LIMCH1: variants seen among roughly 807,000 people sequenced by gnomAD.
LIMCH1 encodes LIM and calponin homology domains-containing protein 1.
In LIMCH1, 113 loss-of-function variants were observed where a neutral mutation model predicts 176.5. The ratio of observed to expected loss-of-function variants is 0.64; its 90% CI spans 0.55 to 0.75. LIMCH1 has a LOEUF of 0.75. Ranked by LOEUF, LIMCH1 falls within the 30% of genes least tolerant of loss-of-function variation. The pLI is 0.00. For synonymous variants in LIMCH1, 619 were observed against 645.9 expected, an observed-to-expected ratio of 0.96 and a Z score of 0.63; for missense variants, 1,674 against 1,814.9, an observed-to-expected ratio of 0.92 and a Z score of 1.41.
upstream of LIMCH1, among the ~76,000 whole-genome samples, chr4:41,533,202 T>A (rs543710599): frequency 6.6e-6 from 1 of 152,230 alleles, no homozygotes; most frequent in Non-Finnish European, 1.5e-5. Context: ...AGACAACAAG[T>A]GAGATGGAAG....
At chr4:41,630,298 A>G (rs1166482023) in intron 9 of LIMCH1, among the ~76,000 whole-genome samples, 1 of 152,070 alleles carries the variant, frequency 6.6e-6, no homozygotes, top group East Asian at 1.9e-4. Flanking sequence ...TGGCTTGAAA[A>G]AGTGCGTCTC....
At position 41,629,473 on chromosome 4, in the gene LIMCH1, G is replaced by A; in HGVS notation, c.1029-19G>A. ...ACTTGATTTTTCCATTGGTGTGGGG[G>A]CCCGGATCAAATGGACAGAAACCAG... On this transcript the variant is annotated intron_variant, in intron 8 of 31. Transcript: ENST00000503057. 4 of 1,535,306 alleles carry A rather than the reference G, an allele frequency of 2.6e-6. No homozygotes were observed. Among genetic ancestry groups the A allele is most frequent in the Non-Finnish European group, 2.6e-6 (3 of 1,146,512 alleles).
chr4:41,483,209 C>G (rs4339249), intron 1 of LIMCH1, among the ~76,000 whole-genome samples: 69,290 of 151,856 alleles, frequency 0.46, 19,143 homozygotes, highest in African/African-American at 0.78. Context: ...GAACCCAGTT[C>G]AGGAAGGAGA....
intron 1 of LIMCH1, among the ~76,000 whole-genome samples, chr4:41,396,027 C>G (rs1247072287): frequency 6.6e-6 from 1 of 152,156 alleles, no homozygotes; most frequent in Non-Finnish European, 1.5e-5. Flanking sequence ...ATAAGAACAC[C>G]TGGGAGAAGA....
At chr4:41,689,677 T>G in intron 30 of LIMCH1, 42 bp downstream of exon 30, 1 of 1,241,828 alleles carries the variant, frequency 8.1e-7, no homozygotes, top group African/African-American at 1.5e-5. Context: ...AACTTCATGA[T>G]GTCTTTTGGC....
chr4:41,468,776 C>T (rs1029435084), intron 1 of LIMCH1, among the ~76,000 whole-genome samples: 6 of 152,186 alleles, frequency 3.9e-5, no homozygotes, highest in South Asian at 4.2e-4. Context: ...GTCTTACTTT[C>T]GTACACACCT....
At chr4:41,401,992 A>G (rs946293388) in intron 1 of LIMCH1, among the ~76,000 whole-genome samples, 9 of 152,266 alleles carry the variant, frequency 5.9e-5, no homozygotes, top group African/African-American at 1.9e-4. Context: ...GGACAATTTG[A>G]CTTCCTGTTT....
intron 1 of LIMCH1, among the ~76,000 whole-genome samples, chr4:41,461,194 A>AAAC (rs1356441115): frequency 2.0e-5 from 3 of 152,198 alleles, no homozygotes; most frequent in Non-Finnish European, 2.9e-5. Context: ...TCAAATGAGC[A>AAAC]AACGGAGGCA....
intron 4 of LIMCH1, among the ~76,000 whole-genome samples, chr4:41,611,473 C>T (rs2091404187): frequency 6.6e-6 from 1 of 152,170 alleles, no homozygotes; most frequent in Admixed American, 6.5e-5. Context: ...CAGTAAGTGT[C>T]TAGTAGTAGA....
intron 2 of LIMCH1, among the ~76,000 whole-genome samples, chr4:41,511,203 A>T (rs563826793): frequency 2.6e-5 from 4 of 152,312 alleles, no homozygotes; most frequent in African/African-American, 9.6e-5. Context: ...CTGGTCACAG[A>T]GGTTGATCTA....
chr4:41,467,145 G>A (rs28649932), intron 1 of LIMCH1, among the ~76,000 whole-genome samples: 3 of 89,192 alleles, frequency 3.4e-5, no homozygotes, highest in Non-Finnish European at 3.9e-5. Context: ...ATATATATAT[G>A]TGTATGTATA....
rs150973219 is a variant in LIMCH1, at chr4:41,565,825, C to A, written c.-241+27475C>A. Among the ~76,000 whole-genome samples, 3 of 152,074 alleles carry A rather than the reference C, an allele frequency of 2.0e-5. No homozygotes were observed. The South Asian group carries it at 6.2e-4, about 32-fold the overall frequency. Reference sequence around the variant, plus strand: ...CTGAGTCTGGACCAGGGTAGGTATCCCATCCCAATTTGTGCCCCACACTCT... The same window carrying A: ...CTGAGTCTGGACCAGGGTAGGTATCACATCCCAATTTGTGCCCCACACTCT... On this transcript the variant is annotated intron_variant, in intron 1 of 31. Transcript: ENST00000503057.
chr4:41,558,829 A>G (rs928669495), intron 1 of LIMCH1, among the ~76,000 whole-genome samples: 19 of 152,206 alleles, frequency 1.2e-4, no homozygotes, highest in African/African-American at 4.1e-4. Flanking sequence ...GATTGATGCT[A>G]TAAAGAGGAG....
chr4:41,543,892 T>C (rs1199839338), intron 1 of LIMCH1, among the ~76,000 whole-genome samples: 1 of 152,086 alleles, frequency 6.6e-6, no homozygotes, highest in African/African-American at 2.4e-5. Context: ...ACCCTAGTTG[T>C]TTCTTTAAAA....
intron 18 of LIMCH1, among the ~76,000 whole-genome samples, chr4:41,654,946 T>C (rs888582748): frequency 6.6e-6 from 1 of 152,180 alleles, no homozygotes; most frequent in Admixed American, 6.5e-5. Context: ...TTAAAAATAC[T>C]GGCTTCTGTA....
At chr4:41,653,327 TACTCCTGTTA>T (rs2094364090) in intron 18 of LIMCH1, among the ~76,000 whole-genome samples, 1 of 134,210 alleles carries the variant, frequency 7.5e-6, no homozygotes, top group African/African-American at 2.9e-5. Context: ...ACAGCCGGTA[TACTCCTGTTA>T]AAAAAAAAAA....
chr4:41,651,150 G>C (rs1257565285), intron 18 of LIMCH1, among the ~76,000 whole-genome samples: 1 of 152,114 alleles, frequency 6.6e-6, no homozygotes, highest in South Asian at 2.1e-4. Context: ...GGGACTACAG[G>C]CATGCACAAG....
At position 41,631,386 on chromosome 4, in the gene LIMCH1, A is replaced by G. The variant is rs965028470; in HGVS notation, c.1510A>G (p.Ser504Gly). ...TGAAGAAGAAGTCATCTGTCATGGCAGCAAGATTCAAATGGACTCTGTGTC... is the reference window on the plus strand; with the variant it reads ...TGAAGAAGAAGTCATCTGTCATGGCGGCAAGATTCAAATGGACTCTGTGTC... ...EDEEEVICHG[S>G]KIQMDSVSPV... The change falls in exon 10 of 32, where the codon AGC becomes GGC. Residue 504 changes from serine (S) to glycine (G), a missense_variant. Transcript: ENST00000503057. 4 of 1,536,308 alleles carry G rather than the reference A, an allele frequency of 2.6e-6. No homozygotes were observed. The highest frequency in any genetic ancestry group is 3.5e-6 in the Non-Finnish European group (4 of 1,146,946).
At chr4:41,416,048 C>T (rs1273112277) in intron 1 of LIMCH1, among the ~76,000 whole-genome samples, 1 of 151,716 alleles carries the variant, frequency 6.6e-6, no homozygotes, top group Non-Finnish European at 1.5e-5. Flanking sequence ...ATGTATAGTA[C>T]TCAGGCTGGC....
Sources: gnomAD v4.1 joint callset for allele counts (sites outside exome capture counted in the v4.1 genomes callset) on GRCh38, gnomAD v4.1.1 for gene constraint, MANE v1.5 for transcripts, NCBI Gene and HGNC (gene_info 2026-07-23, HGNC 2026-07-21) for gene names.